GPC4: variants seen among roughly 807,000 people sequenced by gnomAD.
GPC4 encodes glypican 4, also known as glypican-4.
GPC4 carries 10 observed loss-of-function variants against 35.0 expected under a neutral mutation model. The ratio of observed to expected loss-of-function variants is 0.29; its 90% confidence interval spans 0.18 to 0.48. GPC4 has a LOEUF of 0.48. Among genes scored for constraint, GPC4 ranks in the 20% least tolerant of loss-of-function variants. The probability of loss-of-function intolerance (pLI) is 0.99; values close to 1 mark genes in which losing one functional copy is unlikely to be tolerated. For synonymous variants in GPC4, 167 were observed against 170.2 expected (o/e 0.98, Z 0.15); for missense variants, 322 against 451.3 (o/e 0.71, Z 2.60).
At chrX:133,414,450 C>G in intron 1 of GPC4, 3 of 750,952 alleles carry the variant, frequency 4.0e-6, no homozygotes, top group Non-Finnish European at 4.7e-6. Context: ...GAGAAGTAGC[C>G]GGTGACACGC....
At position 133,415,032 on chromosome X, in the gene GPC4, G is replaced by A; in HGVS notation, c.-67C>T. 1 of 1,094,812 alleles carries A rather than the reference G, an allele frequency of 9.1e-7. No individual in the cohort carries two copies. Among genetic ancestry groups the A allele is most frequent in the Non-Finnish European group, 1.2e-6 (1 of 808,158 alleles). The allele number at this position is 1,094,812 out of a possible 1,213,427, so 90.2% of individuals were successfully genotyped here. A position where few individuals can be genotyped will look rare whatever the true frequency, so the allele number is the denominator to read the frequency against. On this transcript the variant is annotated 5_prime_UTR_variant, in exon 1 of 9. Coordinates refer to ENST00000370828, the MANE Select transcript of GPC4 (RefSeq NM_001448.3). ...ACGGGAAGCGGCGCTACGGCAGCGG[G>A]CCGAGGGCTGGCGGAGTCGGGGACT...
chrX:133,335,617 A>G (rs1196194251), intron 2 of GPC4, among the ~76,000 whole-genome samples: 2 of 112,234 alleles, frequency 1.8e-5, no homozygotes, highest in Non-Finnish European at 3.8e-5. Flanking sequence ...CTCAAATCCA[A>G]TGACTATAAA....
chrX:133,386,628 C>T (rs1157319427), intron 1 of GPC4, among the ~76,000 whole-genome samples: 2 of 111,158 alleles, frequency 1.8e-5, no homozygotes, highest in Non-Finnish European at 3.8e-5. Context: ...ATTCAGATGC[C>T]CCCTGGCCTC....
At chrX:133,339,458 T>A in intron 1 of GPC4, 117 bp from the exon 2 acceptor site, 2 of 548,273 alleles carry the variant, frequency 3.6e-6, no homozygotes, top group Non-Finnish European at 5.6e-6. Context: ...CCAGGCAACA[T>A]GTGTATCTAA....
intron 3 of GPC4, among the ~76,000 whole-genome samples, chrX:133,323,379 C>T (rs952931808): frequency 4.5e-5 from 5 of 111,692 alleles, no homozygotes; most frequent in Non-Finnish European, 5.6e-5. Context: ...ACTAGGGAGG[C>T]TGAGGCAGGA....
intron 1 of GPC4, among the ~76,000 whole-genome samples, chrX:133,399,207 C>T (rs772665951): frequency 9.3e-4 from 104 of 111,999 alleles, no homozygotes; most frequent in African/African-American, 3.1e-3. Flanking sequence ...AAAATGAGAG[C>T]GGACTCAGAC....
intron 4 of GPC4, among the ~76,000 whole-genome samples, chrX:133,307,999 T>C (rs974216376): frequency 8.9e-6 from 1 of 111,819 alleles, no homozygotes; most frequent in Non-Finnish European, 1.9e-5. Flanking sequence ...TGGGCCTTTG[T>C]TGGGGCCGGT....
intron 1 of GPC4, among the ~76,000 whole-genome samples, chrX:133,368,226 G>A (rs1470757440): frequency 1.8e-5 from 2 of 112,593 alleles, no homozygotes; most frequent in African/African-American, 6.5e-5. Context: ...TTCCAATTGT[G>A]AATCATCTTA....
At chrX:133,318,414 T>C (rs2068348677) in intron 3 of GPC4, among the ~76,000 whole-genome samples, 1 of 111,950 alleles carries the variant, frequency 8.9e-6, no homozygotes, top group African/African-American at 3.2e-5. Flanking sequence ...CACAACTGCT[T>C]ACATCCCCTT....
rs767954956 is a variant in GPC4, at chrX:133,312,040, G to T, written c.712-617C>A. On this transcript the variant is annotated intron_variant, in intron 3 of 8. Coordinates refer to ENST00000370828, the MANE Select transcript of GPC4 (RefSeq NM_001448.3). ...AGAATATGAGTAATCTTAAACTTAG[G>T]GGGTGTGTGAAGGTTTTCCAAGGCT... Among the ~76,000 whole-genome samples the T allele has an allele frequency of 4.5e-5, 5 of 111,574 alleles. No individual in the cohort carries two copies. In the South Asian group the frequency reaches 1.9e-3, roughly 43 times the overall value.
chrX:133,335,621 C>T (rs1488655746), intron 2 of GPC4, among the ~76,000 whole-genome samples: 2 of 112,053 alleles, frequency 1.8e-5, no homozygotes, highest in Non-Finnish European at 3.8e-5. Flanking sequence ...AATCCAATGA[C>T]TATAAAAATG....
At chrX:133,375,716 CT>C (rs1381963513) in intron 1 of GPC4, among the ~76,000 whole-genome samples, 4 of 111,694 alleles carry the variant, frequency 3.6e-5, no homozygotes, top group African/African-American at 1.3e-4. Context: ...CATACTTTTT[CT>C]TTTTTTAAGA....
At chrX:133,381,547 C>T (rs1053857061) in intron 1 of GPC4, among the ~76,000 whole-genome samples, 9 of 112,129 alleles carry the variant, frequency 8.0e-5, no homozygotes, top group African/African-American at 2.9e-4. Context: ...ACTCTCCATC[C>T]ACCACTTCAT....
intron 4 of GPC4, among the ~76,000 whole-genome samples, chrX:133,308,352 G>A (rs949042258): frequency 8.9e-6 from 1 of 112,026 alleles, no homozygotes; most frequent in African/African-American, 3.2e-5. Context: ...ACATTAATAG[G>A]GTTGGCCCTG....
intron 1 of GPC4, among the ~76,000 whole-genome samples, chrX:133,400,415 C>G (rs1315290883): frequency 2.7e-5 from 3 of 112,767 alleles, no homozygotes; most frequent in Non-Finnish European, 5.6e-5. Flanking sequence ...AAGGGCTTTT[C>G]CTTGGAAGTA....
chrX:133,305,640 C>T, intron 6 of GPC4, 132 bp downstream of exon 6: 3 of 844,363 alleles, frequency 3.6e-6, no homozygotes, highest in Non-Finnish European at 5.1e-6. Context: ...TGACTGACAT[C>T]CACATCCTAT....
intron 2 of GPC4, among the ~76,000 whole-genome samples, chrX:133,325,633 T>A (rs2068388866): frequency 1.8e-5 from 2 of 111,720 alleles, no homozygotes. Context: ...ATATAACAAA[T>A]ACCAAAGCAA....
intron 1 of GPC4, among the ~76,000 whole-genome samples, chrX:133,357,501 C>T (rs759738476): frequency 9.1e-6 from 1 of 110,466 alleles, no homozygotes; most frequent in South Asian, 4.0e-4. Context: ...GATCCTCCCA[C>T]CTCAGCCTCC....
chrX:133,303,116 A>T, intron 8 of GPC4, 47 bp from the exon 9 acceptor site: 1 of 1,206,368 alleles, frequency 8.3e-7, no homozygotes, highest in South Asian at 1.8e-5. Context: ...ACTTGTTCTC[A>T]TCAGAAGACA....
Sources: gnomAD v4.1 joint callset for allele counts (sites outside exome capture counted in the v4.1 genomes callset) on GRCh38, gnomAD v4.1.1 for gene constraint, MANE v1.5 for transcripts, NCBI Gene and HGNC (gene_info 2026-07-23, HGNC 2026-07-21) for gene names.